Variants in PCMTD1 observed in about 807,000 individuals in gnomAD.
The protein encoded by PCMTD1 is protein-L-isoaspartate O-methyltransferase domain-containing protein 1.
Under a neutral mutation model 37.6 loss-of-function variants are expected in PCMTD1, and 12 were observed. The ratio of observed to expected loss-of-function variants is 0.32; its 90% CI spans 0.20 to 0.52. The LOEUF is 0.52. PCMTD1 is among the 20% of genes least tolerant of loss of function. The pLI is 0.97. For missense variants in PCMTD1, 235 were observed against 421.3 expected (o/e 0.56, Z 3.87); for synonymous variants, 117 against 135.8 (o/e 0.86, Z 0.96).
At chr8:51,851,424 A>G (rs537295117) in intron 2 of PCMTD1, among the ~76,000 whole-genome samples, 1 of 152,226 alleles carries the variant, frequency 6.6e-6, no homozygotes, top group Non-Finnish European at 1.5e-5. Flanking sequence ...AAATGTCGAA[A>G]TATCAACAAC....
chr8:51,899,104 CCGGGCATGCG>C (rs1295679262), upstream of PCMTD1: 7 of 1,460,272 alleles, frequency 4.8e-6, no homozygotes, highest in Non-Finnish European at 6.3e-6. Flanking sequence ...CCGCCGGGGT[CCGGGCATGCG>C]CAGAGAACCA....
Position 51,822,542 on chromosome 8 carries a change from T to C in PCMTD1, c.707-1824A>G, listed in dbSNP as rs188414523. ...CTATCATTTATCCAAAGTGGAGATT[T>C]CAGAGATAATAATAACTACAATGTT... On this transcript the variant is annotated intron_variant, in intron 5 of 5. Transcript: ENST00000522514. 1.5e-3 allele frequency among the ~76,000 whole-genome samples: 232 copies of C among 152,340 alleles called. 1 individual carries two copies. Among genetic ancestry groups the C allele is most frequent in the Non-Finnish European group, 2.9e-3 (195 of 68,024 alleles).
At chr8:51,863,027 C>CT (rs34284265) in intron 1 of PCMTD1, among the ~76,000 whole-genome samples, 12,525 of 147,700 alleles carry the variant, frequency 0.085, 655 homozygotes, top group Middle Eastern at 0.12. Flanking sequence ...CATTTCAATA[C>CT]TTTTTTTTTT....
rs1227505206 is a variant in PCMTD1, at chr8:51,898,958, A to G, written c.-124T>C. ...TGGCGCGGGCAGCGGCGCGCAGGCC[A>G]GGCGCTAGGACTCGGCGGGGTCCGC... On this transcript the variant is annotated 5_prime_UTR_variant, in exon 1 of 6. Coordinates refer to ENST00000522514, the MANE Select transcript of PCMTD1 (RefSeq NM_052937.4). 4 of 1,469,436 alleles carry G rather than the reference A, an allele frequency of 2.7e-6. No homozygotes were observed. The highest frequency in any genetic ancestry group is 2.7e-6 in the Non-Finnish European group (3 of 1,114,312). The allele number at this position is 1,469,436 out of a possible 1,614,324, so 91.0% of individuals were successfully genotyped here.
rs771664931 is a variant in PCMTD1, at chr8:51,817,865, T to C, written c.*2486A>G. The C allele has an allele frequency of 2.2e-6, 1 of 456,832 alleles. No individual in the cohort carries two copies. Among genetic ancestry groups the C allele is most frequent in the South Asian group, 1.5e-5 (1 of 64,576 alleles). The allele number at this position is 456,832 out of a possible 1,614,324, so 28.3% of individuals were successfully genotyped here. On this transcript the variant is annotated 3_prime_UTR_variant, in exon 6 of 6. Coordinates refer to ENST00000522514, the MANE Select transcript of PCMTD1 (RefSeq NM_052937.4). ...TGATGCTAGAAGCTATCTTAGGCCC[T>C]GTCTCTAACTCACTGTATGTTTCAG... is the stretch of plus-strand genomic sequence containing the variant.
chr8:51,880,001 A>T (rs1184400953), intron 1 of PCMTD1, among the ~76,000 whole-genome samples: 1 of 151,874 alleles, frequency 6.6e-6, no homozygotes, highest in East Asian at 1.9e-4. Context: ...TAGGCAACAT[A>T]GCGAGACCAT....
At chr8:51,863,022 C>A (rs1191959401) in intron 1 of PCMTD1, among the ~76,000 whole-genome samples, 1 of 101,652 alleles carries the variant, frequency 9.8e-6, no homozygotes, top group Non-Finnish European at 2.5e-5. Flanking sequence ...TGTAGCATTT[C>A]AATACTTTTT....
At chr8:51,870,865 T>C (rs1450196829) in intron 1 of PCMTD1, among the ~76,000 whole-genome samples, 1 of 152,150 alleles carries the variant, frequency 6.6e-6, no homozygotes, top group Non-Finnish European at 1.5e-5. Context: ...AAAGGAAGAA[T>C]GAAGCAGCAG....
At position 51,845,775 on chromosome 8, in the gene PCMTD1, G is replaced by C. The variant is rs758715772; in HGVS notation, c.308-12C>G. The C allele has an allele frequency of 6.3e-7, 1 of 1,588,396 alleles. No homozygotes were observed. The highest frequency in any genetic ancestry group is 8.6e-7 in the Non-Finnish European group (1 of 1,159,076). On this transcript the variant is annotated splice_polypyrimidine_tract_variant and intron_variant, in intron 2 of 5. Transcript: ENST00000522514. The stretch of plus-strand genomic sequence containing the variant: ...TATTCCAAAAGGACCTGCAATCGTA[G>C]CAGCATTTTTATAAAAAATATTAAT...
intron 5 of PCMTD1, among the ~76,000 whole-genome samples, chr8:51,827,617 T>C (rs969277958): frequency 1.3e-5 from 2 of 152,034 alleles, no homozygotes; most frequent in African/African-American, 2.4e-5. Flanking sequence ...TGGAGGGTAA[T>C]GGAACATACC....
At chr8:51,853,872 A>G (rs1222287526) in intron 2 of PCMTD1, among the ~76,000 whole-genome samples, 2 of 152,078 alleles carry the variant, frequency 1.3e-5, no homozygotes, top group Non-Finnish European at 2.9e-5. Context: ...CACCTTAGCT[A>G]GGAAGATGCA....
chr8:51,896,452 A>G (rs1014051279), intron 1 of PCMTD1: 1 of 152,134 alleles, frequency 6.6e-6, no homozygotes, highest in African/African-American at 2.4e-5. Context: ...ACACTAATTT[A>G]CAAAAAAGTT....
Position 51,863,890 on chromosome 8 carries a change from G to A in PCMTD1, c.-95-2644C>T, listed in dbSNP as rs545949018. On this transcript the variant is annotated intron_variant, in intron 1 of 5. Transcript: ENST00000522514. ...TGCAGTGAGCTGAGTTTGCACCACT[G>A]CACTCCAGTCTGGGCGACAGTGAGA... Among the ~76,000 whole-genome samples the A allele has an allele frequency of 2.0e-5, 3 of 150,006 alleles. No homozygotes were observed. The South Asian group carries it at 6.3e-4, about 32-fold the overall frequency.
chr8:51,839,164 A>T (rs2038110269), intron 3 of PCMTD1, among the ~76,000 whole-genome samples: 4 of 152,200 alleles, frequency 2.6e-5, no homozygotes. Flanking sequence ...TACACTACCA[A>T]AAATGTTATA....
intron 2 of PCMTD1, among the ~76,000 whole-genome samples, chr8:51,857,593 T>C (rs955937781): frequency 4.5e-4 from 69 of 152,240 alleles, no homozygotes; most frequent in African/African-American, 1.6e-3. Context: ...AGGAATTCCC[T>C]GAGAATGAAA....
intron 3 of PCMTD1, among the ~76,000 whole-genome samples, chr8:51,834,929 C>G (rs762462697): frequency 8.5e-5 from 13 of 152,124 alleles, no homozygotes; most frequent in Non-Finnish European, 4.4e-5. Context: ...TAAGGCAGTC[C>G]ATGCCCCATT....
At chr8:51,853,718 C>G (rs1372546380) in intron 2 of PCMTD1, among the ~76,000 whole-genome samples, 7 of 152,060 alleles carry the variant, frequency 4.6e-5, no homozygotes, top group Admixed American at 3.9e-4. Flanking sequence ...GTGTTAGTGA[C>G]TTGCCTGAGC....
Position 51,874,606 on chromosome 8 carries a change from A to G in PCMTD1, c.-95-13360T>C, listed in dbSNP as rs1044053843. On this transcript the variant is annotated intron_variant, in intron 1 of 5. Coordinates refer to ENST00000522514, the MANE Select transcript of PCMTD1 (RefSeq NM_052937.4). ...TCATATTAATTGGTCTTCAAACTGTAAATAGCAGCCAAACAGTGTAAAATT... is the reference window on the plus strand; with the variant it reads ...TCATATTAATTGGTCTTCAAACTGTGAATAGCAGCCAAACAGTGTAAAATT... 1.0e-3 allele frequency among the ~76,000 whole-genome samples: 83 copies of G among 81,148 alleles called. 2 individuals are homozygous for G. The highest frequency in any genetic ancestry group is 4.2e-4 in the Non-Finnish European group (17 of 40,278). The allele number at this position is 81,148 out of a possible 152,430, so 53.2% of individuals were successfully genotyped here.
chr8:51,871,961 T>C (rs2129289691), intron 1 of PCMTD1, among the ~76,000 whole-genome samples: 1 of 152,342 alleles, frequency 6.6e-6, no homozygotes, highest in Middle Eastern at 3.4e-3. Context: ...AAGATGCCTA[T>C]ATTCACAGAT....
Sources: gnomAD v4.1 joint callset for allele counts (sites outside exome capture counted in the v4.1 genomes callset) on GRCh38, gnomAD v4.1.1 for gene constraint, MANE v1.5 for transcripts, NCBI Gene and HGNC (gene_info 2026-07-23, HGNC 2026-07-21) for gene names.